The following ATF7IP variants were observed in gnomAD, a reference collection of about 807,000 sequenced individuals.
ATF7IP encodes activating transcription factor 7-interacting protein 1.
Under a neutral mutation model 106.4 loss-of-function variants are expected in ATF7IP, and 23 were observed. That is an observed-to-expected ratio of 0.22 (90% CI 0.16 to 0.31). ATF7IP has a LOEUF of 0.31. Among genes scored for constraint, ATF7IP ranks in the 10% least tolerant of loss-of-function variants. The probability of loss-of-function intolerance (pLI) is 1.00; values close to 1 mark genes in which losing one functional copy is unlikely to be tolerated. For missense variants in ATF7IP, 1,334 were observed against 1,524.3 expected (o/e 0.88, Z 2.08); for synonymous variants, 542 against 539.0 (o/e 1.01, Z -0.08).
At chr12:14,494,619 A>G (rs1944951807) in intron 13 of ATF7IP, among the ~76,000 whole-genome samples, 1 of 149,692 alleles carries the variant, frequency 6.7e-6, no homozygotes, top group African/African-American at 2.4e-5. Flanking sequence ...TTTATTAAGT[A>G]TTAATTTACA....
chr12:14,447,014 C>T lies in ATF7IP; in HGVS notation c.1956C>T (p.Arg652=), dbSNP rs150124510. The change falls in exon 6 of 15, where the codon CGC becomes CGT. Residue 652 remains arginine (R), a synonymous_variant. Coordinates refer to ENST00000261168, the MANE Select transcript of ATF7IP (RefSeq NM_018179.5). ...LQAKIARLTK[R]FEAAKEDLKK... ...CCAAGATAGCCAGGTTAACCAAACG[C>T]TTTGAAGCAGCCAAAGAAGATCTTA... The T allele has an allele frequency of 2.9e-4, 455 of 1,559,820 alleles. 1 individual carries two copies. Among genetic ancestry groups the T allele is most frequent in the Non-Finnish European group, 3.7e-4 (432 of 1,157,538 alleles).
At chr12:14,410,835 T>A (rs1445208544) in intron 1 of ATF7IP, among the ~76,000 whole-genome samples, 3 of 152,166 alleles carry the variant, frequency 2.0e-5, no homozygotes, top group Non-Finnish European at 4.4e-5. Flanking sequence ...TGTTTGGGAA[T>A]GTATCTTCTA....
Position 14,447,034 on chromosome 12 carries a change from A to G in ATF7IP, c.1976A>G (p.Asp659Gly). ...AAACGCTTTGAAGCAGCCAAAGAAGATCTTAAGAAAAGACATGAAGTAAAA... is the reference window on the plus strand; with the variant it reads ...AAACGCTTTGAAGCAGCCAAAGAAGGTCTTAAGAAAAGACATGAAGTAAAA... ...LTKRFEAAKEDLKKRHEHPPN... is the reference protein window; with the variant it reads ...LTKRFEAAKEGLKKRHEHPPN... The change falls in exon 6 of 15, where the codon GAT becomes GGT. Residue 659 changes from aspartate to glycine, a missense_variant. By Grantham distance (94) the Asp-to-Gly change is moderately conservative. Transcript: ENST00000261168. 2 of 1,591,916 alleles carry G rather than the reference A, an allele frequency of 1.3e-6. No individual in the cohort carries two copies. Among genetic ancestry groups the G allele is most frequent in the Non-Finnish European group, 1.7e-6 (2 of 1,172,200 alleles).
At chr12:14,400,873 CT>C (rs1488800374) in intron 1 of ATF7IP, among the ~76,000 whole-genome samples, 5 of 152,094 alleles carry the variant, frequency 3.3e-5, no homozygotes, top group South Asian at 2.1e-4. Context: ...TCTGTTTTGT[CT>C]TTTTTTGATG....
At chr12:14,433,285 T>G (rs570510306) in intron 2 of ATF7IP, among the ~76,000 whole-genome samples, 1 of 152,158 alleles carries the variant, frequency 6.6e-6, no homozygotes, top group Non-Finnish European at 1.5e-5. Flanking sequence ...GGGGGGTGGA[T>G]CACGAGGTCA....
Position 14,424,817 on chromosome 12 carries a change from C to T in ATF7IP, c.902C>T (p.Pro301Leu). The change falls in exon 2 of 15, where the codon CCT becomes CTT. Residue 301 changes from proline (P) to leucine (L), a missense_variant. Physicochemically the swap from Pro to Leu is moderately conservative, Grantham distance 98. Around this residue, in one of 10 missense-constraint regions of ATF7IP, gnomAD observed 438 missense variants for 405.3 expected, o/e 1.08. Transcript: ENST00000261168. ...TCTGTACCAGTTTGTGAACCAGTTC[C>T]TGAAATTGACAATATAGAACCAAGT... is the stretch of plus-strand genomic sequence containing the variant. The part of the protein sequence containing the change: ...PKSVPVCEPV[P>L]EIDNIEPSSN... 6.2e-7 allele frequency: 1 copy of T among 1,613,770 alleles called. No individual in the cohort carries two copies. The highest frequency in any genetic ancestry group is 1.1e-5 in the South Asian group (1 of 91,036).
intron 1 of ATF7IP, among the ~76,000 whole-genome samples, chr12:14,419,645 T>C (rs967213350): frequency 1.3e-5 from 2 of 152,146 alleles, no homozygotes; most frequent in East Asian, 3.8e-4. Context: ...GCAGAAAATT[T>C]TGCAGTTAGC....
At position 14,434,393 on chromosome 12, in the gene ATF7IP, C is replaced by A. The variant is rs1942297695; in HGVS notation, c.1615C>A (p.His539Asn). The change falls in exon 3 of 15, where the codon CAT becomes AAT. Residue 539 changes from histidine to asparagine, a missense_variant. Physicochemically the swap from His to Asn is moderately conservative, Grantham distance 68. Coordinates refer to ENST00000261168, the MANE Select transcript of ATF7IP (RefSeq NM_018179.5). ...ACCTGAGGAAGAAGAGCAAGTAATA[C>A]ATGAAGATGATGAAAGACCTTCTGA... ...NKPEEEEQVI[H>N]EDDERPSEKN... is the part of the protein sequence containing the mutation. The A allele has an allele frequency of 6.3e-7, 1 of 1,590,454 alleles. No individual in the cohort carries two copies. Among genetic ancestry groups the A allele is most frequent in the African/African-American group, 1.3e-5 (1 of 74,604 alleles).
chr12:14,368,159 A>G (rs1938384647), intron 1 of ATF7IP, among the ~76,000 whole-genome samples: 1 of 152,108 alleles, frequency 6.6e-6, no homozygotes, highest in Non-Finnish European at 1.5e-5. Flanking sequence ...AATATTGAAA[A>G]TTAATTAACA....
chr12:14,435,063 G>A (rs1280483225), intron 3 of ATF7IP, among the ~76,000 whole-genome samples: 3 of 151,990 alleles, frequency 2.0e-5, no homozygotes, highest in Non-Finnish European at 4.4e-5. Context: ...ACTCCAGCCT[G>A]GGTGACAGAG....
chr12:14,472,308 GAAAAGCATGA>G (rs139021797), intron 10 of ATF7IP, among the ~76,000 whole-genome samples: 1,929 of 152,154 alleles, frequency 0.013, 52 homozygotes, highest in African/African-American at 0.044. Flanking sequence ...ATGTGGTTAT[GAAAAGCATGA>G]AAAAGCATGA....
chr12:14,440,844 C>T (rs1281415434), intron 5 of ATF7IP, among the ~76,000 whole-genome samples: 3 of 152,220 alleles, frequency 2.0e-5, no homozygotes, highest in Non-Finnish European at 2.9e-5. Context: ...TTGCATATTT[C>T]ACATGCCTCT....
chr12:14,456,182 A>G (rs1943417984), intron 6 of ATF7IP, among the ~76,000 whole-genome samples: 1 of 152,212 alleles, frequency 6.6e-6, no homozygotes, highest in Non-Finnish European at 1.5e-5. Context: ...CATAGTAGGC[A>G]TTCACTAGCT....
chr12:14,434,862 G>C (rs1386368522), intron 3 of ATF7IP, among the ~76,000 whole-genome samples: 2 of 152,160 alleles, frequency 1.3e-5, no homozygotes, highest in Non-Finnish European at 2.9e-5. Context: ...AAGATGGAAG[G>C]ATTGCTTGAG....
At chr12:14,368,027 T>G (rs1474747740) in intron 1 of ATF7IP, among the ~76,000 whole-genome samples, 1 of 152,116 alleles carries the variant, frequency 6.6e-6, no homozygotes, top group East Asian at 1.9e-4. Context: ...TTATATGTAG[T>G]TTAGAAAAGA....
chr12:14,459,313 G>T, intron 8 of ATF7IP, among the ~76,000 whole-genome samples: 1 of 151,398 alleles, frequency 6.6e-6, no homozygotes, highest in South Asian at 2.1e-4. Flanking sequence ...ACTTTGGCAC[G>T]CAGTAGTTGT....
At chr12:14,484,365 T>G (rs1432335848) in intron 13 of ATF7IP, among the ~76,000 whole-genome samples, 1 of 152,186 alleles carries the variant, frequency 6.6e-6, no homozygotes, top group East Asian at 1.9e-4. Flanking sequence ...ATTAATATCC[T>G]CCTCTGCTGA....
chr12:14,460,859 C>G lies in ATF7IP; in HGVS notation c.2523C>G (p.Pro841=). ...TATCCTTGCCATCCTTGCCAAATCC[C>G]ACTAAACCAAACAACGTTCCTTCTG... ...NPVSLPSLPN[P]TKPNNVPSVP... The change falls in exon 9 of 15, where the codon CCC becomes CCG. Residue 841 remains proline, a synonymous_variant. Coordinates refer to ENST00000261168, the MANE Select transcript of ATF7IP (RefSeq NM_018179.5). 1 of 1,614,174 alleles carries G rather than the reference C, an allele frequency of 6.2e-7. No homozygotes were observed. Among genetic ancestry groups the G allele is most frequent in the African/African-American group, 1.3e-5 (1 of 75,044 alleles).
At position 14,466,607 on chromosome 12, in the gene ATF7IP, T is replaced by A; in HGVS notation, c.2862+17T>A. The A allele has an allele frequency of 6.4e-7, 1 of 1,563,108 alleles. No homozygotes were observed. Among genetic ancestry groups the A allele is most frequent in the Non-Finnish European group, 8.7e-7 (1 of 1,150,944 alleles). On this transcript the variant is annotated intron_variant, in intron 10 of 14. Transcript: ENST00000261168. ...ACATCACAGGTAAGATTTTTCCTTC[T>A]TCTTCAAAGTAAAATCCTAATTATG...
Sources: allele counts gnomAD v4.1 joint callset (sites outside exome capture counted in the v4.1 genomes callset), GRCh38; gene constraint gnomAD v4.1.1; regional missense constraint gnomAD v4.1.1; transcripts MANE v1.5; gene names NCBI Gene and HGNC (gene_info 2026-07-23, HGNC 2026-07-21).